Variants in ARID4A observed in about 807,000 individuals in gnomAD.
ARID4A encodes the protein AT-rich interaction domain 4A.
Under a neutral mutation model 148.6 loss-of-function variants are expected in ARID4A, and 39 were observed. The observed-to-expected ratio is 0.26, with a 90% confidence interval of 0.20 to 0.34. The LOEUF is 0.34. ARID4A is among the 10% of genes least tolerant of loss of function. The pLI, the probability that ARID4A is intolerant of heterozygous loss-of-function variation, is 1.00. For synonymous variants in ARID4A, 475 were observed against 481.2 expected, an observed-to-expected ratio of 0.99 and a Z score of 0.17; for missense variants, 1,265 against 1,449.1, an observed-to-expected ratio of 0.87 and a Z score of 2.06.
chr14:58,371,756 C>G (rs2035625232), intron 23 of ARID4A, 130 bp from the exon 24 acceptor site: 1 of 741,230 alleles, frequency 1.3e-6, no homozygotes, highest in African/African-American at 1.8e-5. Context: ...ATTTGTTACT[C>G]CTTCATGTGA....
intron 19 of ARID4A, 82 bp from the exon 20 acceptor site, chr14:58,364,088 G>T: frequency 1.4e-6 from 1 of 736,706 alleles, no homozygotes; most frequent in Non-Finnish European, 1.9e-6. Context: ...GATTTTTATT[G>T]TTATTTTTGG....
chr14:58,317,607 A>AT (rs2140160804), intron 5 of ARID4A, among the ~76,000 whole-genome samples: 2 of 149,232 alleles, frequency 1.3e-5, no homozygotes, highest in African/African-American at 4.9e-5. Context: ...TCTTTTTAAA[A>AT]AAACCTTTAT....
intron 1 of ARID4A, 59 bp from the exon 2 acceptor site, chr14:58,299,739 T>A: frequency 1.4e-6 from 2 of 1,442,908 alleles, no homozygotes; most frequent in East Asian, 2.3e-5. Context: ...TTTCTTTCCC[T>A]TGGTCGCTCC....
intron 8 of ARID4A, 106 bp downstream of exon 8, chr14:58,323,723 A>G (rs1379767258): frequency 2.1e-6 from 2 of 975,048 alleles, no homozygotes; most frequent in Non-Finnish European, 3.1e-6. Flanking sequence ...ACAAATTTGG[A>G]CTTTATTGGA....
At position 58,319,521 on chromosome 14, in the gene ARID4A, C is replaced by CTTTTT. The variant is rs71107934; in HGVS notation, c.449+751_449+755dup. On this transcript the variant is annotated intron_variant, in intron 7 of 23. Transcript: ENST00000355431. ...ATCTGTGTATGAATGTCTATATACT[C>CTTTTT]TTTTTTTTTTTTTTTTTTTTTTTTT... Among the ~76,000 whole-genome samples, 15 of 62,096 alleles carry CTTTTT rather than the reference C, an allele frequency of 2.4e-4. 3 individuals carry two copies. The highest frequency in any genetic ancestry group is 1.0e-3 in the East Asian group (2 of 1,946). The allele number at this position is 62,096 out of a possible 152,430, so 40.7% of individuals were successfully genotyped here.
At chr14:58,344,795 AGTCATTTCTTTTTCAT>A (rs761029191) in intron 12 of ARID4A, 28 bp downstream of exon 12, 2 of 1,528,948 alleles carry the variant, frequency 1.3e-6, no homozygotes, top group Admixed American at 3.5e-5. Context: ...ATTTTAAAGT[AGTCATTTCTTTTTCAT>A]GTTTACATTC....
In ARID4A at chr14:58,319,521, C is replaced by CTTTTTT. The variant is rs71107934; in HGVS notation, c.449+750_449+755dup. 1.9e-4 allele frequency among the ~76,000 whole-genome samples: 12 copies of CTTTTTT among 62,092 alleles called. 3 individuals carry two copies. The highest frequency in any genetic ancestry group is 5.9e-4 in the African/African-American group (9 of 15,190). The allele number at this position is 62,092 out of a possible 152,430, so 40.7% of individuals were successfully genotyped here. On this transcript the variant is annotated intron_variant, in intron 7 of 23. Transcript: ENST00000355431. ...ATCTGTGTATGAATGTCTATATACT[C>CTTTTTT]TTTTTTTTTTTTTTTTTTTTTTTTT...
chr14:58,373,176 TTA>T lies in ARID4A; in HGVS notation c.*1189_*1190del, dbSNP rs983004855. The T allele has an allele frequency of 5.0e-6, 1 of 200,822 alleles. No individual in the cohort carries two copies. The highest frequency in any genetic ancestry group is 1.0e-5 in the Non-Finnish European group (1 of 97,280). The allele number at this position is 200,822 out of a possible 1,614,324, so 12.4% of individuals were successfully genotyped here. Reference sequence around the variant, plus strand: ...CCCTTAAGATACTTTGTCACAGTTTTTATGTTTGCTATACTGCCGAATGAATT... The same window carrying T: ...CCCTTAAGATACTTTGTCACAGTTTTTGTTTGCTATACTGCCGAATGAATT... On this transcript the variant is annotated 3_prime_UTR_variant, in exon 24 of 24. Transcript: ENST00000355431.
chr14:58,331,395 A>T (rs796396274), intron 11 of ARID4A: 4 of 152,314 alleles, frequency 2.6e-5, no homozygotes, highest in African/African-American at 9.6e-5. Flanking sequence ...AACCCTGCGG[A>T]TGCTATGCCC....
intron 19 of ARID4A, among the ~76,000 whole-genome samples, chr14:58,363,258 A>G (rs2035211121): frequency 6.6e-6 from 1 of 152,228 alleles, no homozygotes; most frequent in African/African-American, 2.4e-5. Flanking sequence ...CCATGTGGAC[A>G]ATATTTTTAT....
intron 8 of ARID4A, 118 bp from the exon 9 acceptor site, chr14:58,328,118 GT>G (rs2033318436): frequency 2.8e-6 from 2 of 704,932 alleles, no homozygotes; most frequent in Non-Finnish European, 2.4e-6. Flanking sequence ...TAATGAAGCT[GT>G]TTTTTGTAAA....
intron 18 of ARID4A, among the ~76,000 whole-genome samples, chr14:58,360,323 A>T (rs2035080281): frequency 6.6e-6 from 1 of 152,172 alleles, no homozygotes; most frequent in African/African-American, 2.4e-5. Flanking sequence ...GGGAATGCAG[A>T]CCCAGGGTTG....
intron 5 of ARID4A, among the ~76,000 whole-genome samples, chr14:58,316,832 G>A (rs370235934): frequency 3.3e-5 from 5 of 151,888 alleles, no homozygotes; most frequent in African/African-American, 7.2e-5. Flanking sequence ...CGCCCGCCTC[G>A]GCCTCCCAAA....
Position 58,364,916 on chromosome 14 carries a change from A to G in ARID4A, c.2827A>G (p.Lys943Glu), listed in dbSNP as rs531417098. 3 of 1,614,174 alleles carry G rather than the reference A, an allele frequency of 1.9e-6. No homozygotes were observed. Among genetic ancestry groups the G allele is most frequent in the African/African-American group, 1.3e-5 (1 of 75,068 alleles). ...PAEETVNIPL[K>E]EDEDAMPLIG... ...TGAAGAAACTGTAAATATTCCACTA[A>G]AAGAAGATGAGGATGCAATGCCTCT... Residue 943 changes from lysine (K) to glutamate (E), a missense_variant, in exon 20 of 24, where the codon AAA becomes GAA. Around this residue, in one of 9 missense-constraint regions of ARID4A, gnomAD observed 666 missense variants for 730.9 expected, o/e 0.91. Transcript: ENST00000355431.
intron 23 of ARID4A, among the ~76,000 whole-genome samples, 200 bp from the exon 24 acceptor site, chr14:58,371,686 G>A (rs1462163594): frequency 6.6e-6 from 1 of 152,114 alleles, no homozygotes; most frequent in African/African-American, 2.4e-5. Context: ...GTGTTGAGTA[G>A]TGCTTAACTG....
rs762892800 is a variant in ARID4A, at chr14:58,347,644, T to G, written c.1173-3T>G. ...TTTCTTAAATGAAATATTGTTTGTT[T>G]AGGTATCTCTATGGTTTTGAGGAGT... On this transcript the variant is annotated splice_region_variant and splice_polypyrimidine_tract_variant and intron_variant, in intron 14 of 23. Transcript: ENST00000355431. 4 of 1,553,848 alleles carry G rather than the reference T, an allele frequency of 2.6e-6. No individual in the cohort carries two copies. The East Asian group carries it at 9.1e-5, about 35-fold the overall frequency.
intron 18 of ARID4A, among the ~76,000 whole-genome samples, chr14:58,359,838 G>A (rs550074194): frequency 1.3e-5 from 2 of 152,090 alleles, no homozygotes; most frequent in South Asian, 2.1e-4. Context: ...AGGCTGAGGC[G>A]GGCGGATCAC....
chr14:58,301,827 C>T, intron 3 of ARID4A, 137 bp downstream of exon 3: 1 of 505,962 alleles, frequency 2.0e-6, no homozygotes, highest in South Asian at 3.9e-5. Context: ...AAAAGCACAT[C>T]AAAAATAAAG....
At chr14:58,346,208 A>G (rs1284850000) in intron 12 of ARID4A, among the ~76,000 whole-genome samples, 1 of 149,050 alleles carries the variant, frequency 6.7e-6, no homozygotes, top group Admixed American at 6.7e-5. Context: ...ATATATTATT[A>G]TATATAAAAC....
Sources: allele counts gnomAD v4.1 joint callset (sites outside exome capture counted in the v4.1 genomes callset), GRCh38; gene constraint gnomAD v4.1.1; regional missense constraint gnomAD v4.1.1; transcripts MANE v1.5; gene names NCBI Gene and HGNC (gene_info 2026-07-23, HGNC 2026-07-21).